Variants in DST observed in about 807,000 individuals in gnomAD.
DST encodes the protein dystonin, also known as bullous pemphigoid antigen.
In DST, 253 loss-of-function variants were observed where a neutral mutation model predicts 875.2. That is an observed-to-expected ratio of 0.29 (90% CI 0.26 to 0.32). The LOEUF (loss-of-function observed/expected upper bound fraction) is 0.32, where lower values mean the gene tolerates loss of function less well. DST is among the 10% of genes least tolerant of loss of function. The probability of loss-of-function intolerance (pLI) is 1.00; values close to 1 mark genes in which losing one functional copy is unlikely to be tolerated. For synonymous variants in DST, 3,124 were observed against 3,197.1 expected (o/e 0.98, Z 0.77); for missense variants, 8,287 against 9,111.6 (o/e 0.91, Z 3.68).
At chr6:56,923,349 A>AT in intron 2 of DST, among the ~76,000 whole-genome samples, 2 of 149,670 alleles carry the variant, frequency 1.3e-5, no homozygotes, top group South Asian at 4.2e-4. Context: ...GGACTTGTTG[A>AT]TTTTTTTCCT....
In DST at chr6:56,628,307, C is replaced by T. The variant is rs139301686; in HGVS notation, c.4476-146G>A. 1.4e-3 allele frequency: 967 copies of T among 686,096 alleles called. 1 individual carries two copies. The African/African-American group carries it at 0.016, about 11-fold the overall frequency. 42.5% of individuals were successfully genotyped at this position (686,096 alleles called of 1,614,324 possible). A position where few individuals can be genotyped will look rare whatever the true frequency, so the allele number is the denominator to read the frequency against. The stretch of plus-strand genomic sequence containing the variant: ...GTATAAAGAACTCAAGGCTGCAGCA[C>T]CCTGAGGCACACCCCCAAGGGCATT... On this transcript the variant is annotated intron_variant, in intron 32 of 103. Coordinates refer to ENST00000680361, the MANE Select transcript of DST (RefSeq NM_001374736.1).
At chr6:56,664,973 A>G (rs2099064935) in intron 10 of DST, among the ~76,000 whole-genome samples, 1 of 152,180 alleles carries the variant, frequency 6.6e-6, no homozygotes, top group African/African-American at 2.4e-5. Context: ...ACCTATTTAA[A>G]TAGAAGCTAT....
chr6:56,470,106 G>C lies in DST; in HGVS notation c.22476+22C>G, dbSNP rs41271856. On this transcript the variant is annotated intron_variant, in intron 96 of 103. Transcript: ENST00000680361. ...GCAGAACATACTATCAGTGTTGTAC[G>C]CAATGGGAAGATAATGAGTACCTCA... The C allele has an allele frequency of 0.038, 61,305 of 1,609,366 alleles. 1,445 individuals are homozygous for C. The highest frequency in any genetic ancestry group is 0.046 in the Non-Finnish European group (54,003 of 1,176,532).
intron 5 of DST, among the ~76,000 whole-genome samples, chr6:56,727,114 G>A (rs1362155508): frequency 6.6e-6 from 1 of 152,184 alleles, no homozygotes; most frequent in African/African-American, 2.4e-5. Flanking sequence ...TCTGCTCACT[G>A]AGATAAATGC....
At chr6:56,741,669 T>A (rs964771446) in intron 4 of DST, among the ~76,000 whole-genome samples, 7 of 152,228 alleles carry the variant, frequency 4.6e-5, no homozygotes, top group Admixed American at 3.3e-4. Context: ...TTACACCATC[T>A]AATTTTCCAA....
intron 17 of DST, 140 bp downstream of exon 17, chr6:56,641,807 A>C (rs1036438405): frequency 1.0e-5 from 7 of 684,670 alleles, no homozygotes; most frequent in Non-Finnish European, 1.6e-5. Flanking sequence ...AAAATATATA[A>C]AAATGTGACA....
intron 4 of DST, among the ~76,000 whole-genome samples, chr6:56,803,601 T>G (rs79453984): frequency 3.3e-5 from 5 of 152,148 alleles, no homozygotes; most frequent in Admixed American, 2.0e-4. Context: ...AAAAAAGATA[T>G]GAGGAGATGC....
At chr6:56,479,604 G>C (rs922025188) in intron 90 of DST, among the ~76,000 whole-genome samples, 4 of 152,072 alleles carry the variant, frequency 2.6e-5, no homozygotes, top group African/African-American at 9.7e-5. Flanking sequence ...CCATAAAAAA[G>C]AATGAAATCA....
At chr6:56,802,369 G>A (rs2099748114) in intron 4 of DST, among the ~76,000 whole-genome samples, 1 of 151,800 alleles carries the variant, frequency 6.6e-6, no homozygotes, top group African/African-American at 2.4e-5. Flanking sequence ...TTTTAAATTT[G>A]GTAACGGGAA....
rs138507484 is a variant in DST, at chr6:56,654,586, C to CTATATATATATATATATATATATATA, written c.1215-3343_1215-3342insTATATATATATATATATATATATATA. Among the ~76,000 whole-genome samples, 639 of 132,820 alleles carry CTATATATATATATATATATATATATA rather than the reference C, an allele frequency of 4.8e-3. 15 individuals carry two copies. Among genetic ancestry groups the CTATATATATATATATATATATATATA allele is most frequent in the African/African-American group, 0.017 (483 of 28,652 alleles). The allele number at this position is 132,820 out of a possible 152,430, so 87.1% of individuals were successfully genotyped here. A position where few individuals can be genotyped will look rare whatever the true frequency, so the allele number is the denominator to read the frequency against. On this transcript the variant is annotated intron_variant, in intron 10 of 103. Transcript: ENST00000680361. The stretch of plus-strand genomic sequence containing the variant: ...TCTTAAAAGAGCAATCTCCCCTAGG[C>CTATATATATATATATATATATATATA]TATATATATATATATATATCTCCAC...
chr6:56,693,495 C>T (rs1025576528), intron 9 of DST: 18 of 776,164 alleles, frequency 2.3e-5, no homozygotes, highest in Middle Eastern at 6.4e-4. Context: ...CTGTTTTTAA[C>T]CTTCGGTTTT....
chr6:56,666,023 T>C (rs1445050134), intron 10 of DST, among the ~76,000 whole-genome samples: 2 of 152,210 alleles, frequency 1.3e-5, no homozygotes, highest in African/African-American at 4.8e-5. Flanking sequence ...ATCATTTTTA[T>C]TCTGTAACAT....
At chr6:56,914,734 C>A (rs144407575) in intron 2 of DST, among the ~76,000 whole-genome samples, 156 of 152,240 alleles carry the variant, frequency 1.0e-3, no homozygotes, top group African/African-American at 3.6e-3. Flanking sequence ...CATTCAATGA[C>A]AAGAAAGATC....
chr6:56,551,038 C>A (rs1274415408), intron 61 of DST, among the ~76,000 whole-genome samples: 1 of 152,156 alleles, frequency 6.6e-6, no homozygotes, highest in Non-Finnish European at 1.5e-5. Flanking sequence ...GAACTAAATA[C>A]AGAATCACAG....
rs1284855636 is a variant in DST, at chr6:56,601,681, T to G, written c.11308-5A>C. The stretch of plus-strand genomic sequence containing the variant: ...TCCAAGGTCTTTTAATACATTCTGT[T>G]AAAAAAGTAGTACAAGCTATCAGTA... On this transcript the variant is annotated splice_polypyrimidine_tract_variant and splice_region_variant and intron_variant, in intron 43 of 103. Coordinates refer to ENST00000680361, the MANE Select transcript of DST (RefSeq NM_001374736.1). 12 of 1,526,522 alleles carry G rather than the reference T, an allele frequency of 7.9e-6. No homozygotes were observed. In the East Asian group the frequency reaches 2.8e-4, roughly 36 times the overall value. The allele number at this position is 1,526,522 out of a possible 1,614,324, so 94.6% of individuals were successfully genotyped here. A position where few individuals can be genotyped will look rare whatever the true frequency, so the allele number is the denominator to read the frequency against.
At chr6:56,864,582 C>T (rs956790189) in intron 3 of DST, among the ~76,000 whole-genome samples, 2 of 151,966 alleles carry the variant, frequency 1.3e-5, no homozygotes, top group Admixed American at 6.6e-5. Flanking sequence ...CATACTACTA[C>T]ACAAGAAAAT....
chr6:56,733,551 TA>T (rs1307700806), intron 5 of DST, among the ~76,000 whole-genome samples: 2 of 152,206 alleles, frequency 1.3e-5, no homozygotes, highest in African/African-American at 4.8e-5. Context: ...ACCACCATTT[TA>T]CAGATGAGGG....
chr6:56,459,021 T>C lies in DST; in HGVS notation c.23441A>G (p.Lys7814Arg). 6.2e-7 allele frequency: 1 copy of C among 1,611,766 alleles called. No individual in the cohort carries two copies. Among genetic ancestry groups the C allele is most frequent in the Non-Finnish European group, 8.5e-7 (1 of 1,178,282 alleles). Residue 7814 changes from lysine to arginine, a missense_variant, in exon 104 of 104, where the codon AAG becomes AGG. Lys to Arg is a conservative substitution (Grantham distance 26). Transcript: ENST00000680361. Reference sequence around the variant, plus strand: ...CCAATTGCACTATCTCTTTGAGGACTTGTCCAATTTGCTGGCAGGTGATTT... The same window carrying C: ...CCAATTGCACTATCTCTTTGAGGACCTGTCCAATTTGCTGGCAGGTGATTT... ...QRKSPASKLD[K>R]SSKR
In DST at chr6:56,604,121, C is replaced by T; in HGVS notation, c.10507G>A (p.Glu3503Lys). ...AAGTCTCCAACATGTTCTATTTTCTCTGAATATCCATCAGCAAGCAGTTTG... is the reference window on the plus strand; with the variant it reads ...AAGTCTCCAACATGTTCTATTTTCTTTGAATATCCATCAGCAAGCAGTTTG... ...FYKLLADGYS[E>K]KIEHVGDFNQ... The change falls in exon 40 of 104, where the codon GAG becomes AAG. Residue 3503 changes from glutamate to lysine, a missense_variant. By Grantham distance (56) the Glu-to-Lys change is moderately conservative. Coordinates refer to ENST00000680361, the MANE Select transcript of DST (RefSeq NM_001374736.1). 1.3e-6 allele frequency: 2 copies of T among 1,578,934 alleles called. No homozygotes were observed. The highest frequency in any genetic ancestry group is 2.3e-5 in the South Asian group (2 of 87,188).
Sources: allele counts gnomAD v4.1 joint callset (sites outside exome capture counted in the v4.1 genomes callset), GRCh38; gene constraint gnomAD v4.1.1; transcripts MANE v1.5; gene names NCBI Gene and HGNC (gene_info 2026-07-23, HGNC 2026-07-21).